The following PLEKHA5 variants were observed in gnomAD, a reference collection of about 807,000 sequenced individuals.
The protein encoded by PLEKHA5 is pleckstrin homology domain-containing family A member 5.
In PLEKHA5, 55 loss-of-function variants were observed where a neutral mutation model predicts 181.9. The ratio of observed to expected loss-of-function variants is 0.30; its 90% CI spans 0.24 to 0.38. The LOEUF (loss-of-function observed/expected upper bound fraction) is 0.38, where lower values mean the gene tolerates loss of function less well. Ranked by LOEUF, PLEKHA5 falls within the 10% of genes least tolerant of loss-of-function variation. The pLI is 1.00. For synonymous variants in PLEKHA5, 535 were observed against 529.4 expected, an observed-to-expected ratio of 1.01 and a Z score of -0.15; for missense variants, 1,432 against 1,549.5, an observed-to-expected ratio of 0.92 and a Z score of 1.27.
intron 15 of PLEKHA5, chr12:19,306,678 T>G: frequency 6.8e-7 from 1 of 1,474,492 alleles, no homozygotes; most frequent in Admixed American, 1.7e-5. Flanking sequence ...GCGCTAGCTC[T>G]GAGCAGATGC....
At chr12:19,149,683 G>C (rs1333677720) in intron 3 of PLEKHA5, 1 of 152,106 alleles carries the variant, frequency 6.6e-6, no homozygotes, top group Non-Finnish European at 1.5e-5. Flanking sequence ...AGGCTTTGCT[G>C]ATCTTGGCAG....
intron 3 of PLEKHA5, chr12:19,201,714 A>G (rs1405086080): frequency 6.6e-6 from 1 of 152,130 alleles, no homozygotes; most frequent in Non-Finnish European, 1.5e-5. Context: ...CCAGACACAG[A>G]CTACACATTG....
chr12:19,198,855 A>G (rs1299502175), intron 3 of PLEKHA5, among the ~76,000 whole-genome samples: 1 of 152,094 alleles, frequency 6.6e-6, no homozygotes. Context: ...CCATTTTTTT[A>G]TTTACATAGT....
intron 3 of PLEKHA5, among the ~76,000 whole-genome samples, chr12:19,231,902 A>G (rs1474298604): frequency 2.0e-5 from 3 of 152,192 alleles, no homozygotes; most frequent in African/African-American, 2.4e-5. Flanking sequence ...TCACCACTCA[A>G]TCTGTTTTTT....
intron 16 of PLEKHA5, among the ~76,000 whole-genome samples, chr12:19,317,434 T>C (rs1237067916): frequency 6.6e-6 from 1 of 151,964 alleles, no homozygotes; most frequent in East Asian, 1.9e-4. Context: ...TTTTATAACA[T>C]GATTAATACC....
chr12:19,216,134 T>C (rs1027057994), intron 3 of PLEKHA5, among the ~76,000 whole-genome samples: 2 of 152,228 alleles, frequency 1.3e-5, no homozygotes, highest in Non-Finnish European at 2.9e-5. Context: ...CATTTTGGTT[T>C]ATCCGGAGAG....
At chr12:19,292,658 G>T (rs1266802440) in intron 15 of PLEKHA5, among the ~76,000 whole-genome samples, 3 of 152,110 alleles carry the variant, frequency 2.0e-5, no homozygotes, top group Non-Finnish European at 2.9e-5. Flanking sequence ...ATGGCAATGG[G>T]CCGGGTGTGG....
intron 31 of PLEKHA5, chr12:19,372,956 A>T (rs1565679981): frequency 6.6e-6 from 1 of 151,784 alleles, no homozygotes; most frequent in Non-Finnish European, 1.5e-5. Context: ...TTTGTAGAGT[A>T]GGGGTTTCAC....
At chr12:19,231,701 T>C (rs548367467) in intron 3 of PLEKHA5, among the ~76,000 whole-genome samples, 4 of 151,274 alleles carry the variant, frequency 2.6e-5, no homozygotes, top group African/African-American at 7.2e-5. Context: ...TTTATCATGC[T>C]AGAATTTGAA....
Position 19,283,589 on chromosome 12 carries a change from C to T in PLEKHA5, c.1623C>T (p.Asp541=). The change falls in exon 12 of 32, where the codon GAC becomes GAT. Residue 541 remains aspartate (D), a synonymous_variant. Coordinates refer to ENST00000429027, the MANE Select transcript of PLEKHA5 (RefSeq NM_001256470.2). The stretch of plus-strand genomic sequence containing the variant: ...CCAAAACCATGGTAAATATTTCTGA[C>T]CAGACAATGCACTCTATTCCCACAT... The part of the protein sequence containing the change: ...SSPKTMVNIS[D]QTMHSIPTSP... The T allele has an allele frequency of 6.2e-7, 1 of 1,614,120 alleles. No homozygotes were observed. Among genetic ancestry groups the T allele is most frequent in the Middle Eastern group, 1.6e-4 (1 of 6,062 alleles).
intron 21 of PLEKHA5, among the ~76,000 whole-genome samples, chr12:19,338,904 A>G (rs1334558119): frequency 6.6e-6 from 1 of 151,974 alleles, no homozygotes; most frequent in African/African-American, 2.4e-5. Flanking sequence ...AAAATAAGAA[A>G]TCAGCTACAA....
intron 3 of PLEKHA5, chr12:19,207,398 G>A (rs1408038538): frequency 6.6e-6 from 1 of 152,060 alleles, no homozygotes; most frequent in Non-Finnish European, 1.5e-5. Flanking sequence ...ATTACCAATG[G>A]CAAGGGTGTC....
intron 3 of PLEKHA5, among the ~76,000 whole-genome samples, chr12:19,143,847 A>G (rs1164314666): frequency 2.0e-5 from 3 of 152,160 alleles, no homozygotes; most frequent in Admixed American, 6.6e-5. Context: ...TGTCTTATGA[A>G]TATATGGTAT....
chr12:19,192,117 A>T (rs74437032), intron 3 of PLEKHA5, among the ~76,000 whole-genome samples: 38 of 152,230 alleles, frequency 2.5e-4, no homozygotes, highest in African/African-American at 8.2e-4. Context: ...ACTTGAATTT[A>T]AAAAAAATTT....
intron 20 of PLEKHA5, among the ~76,000 whole-genome samples, chr12:19,334,798 A>G (rs2093195283): frequency 8.0e-6 from 1 of 124,410 alleles, no homozygotes; most frequent in Admixed American, 9.1e-5. Flanking sequence ...CCTGGGCAAC[A>G]TGGCAAAATC....
intron 3 of PLEKHA5, among the ~76,000 whole-genome samples, chr12:19,241,422 C>T (rs116961294): frequency 0.029 from 4,464 of 152,148 alleles, 81 homozygotes; most frequent in Non-Finnish European, 0.045. Context: ...ATGTTGTACA[C>T]GATAAATACA....
chr12:19,247,102 G>A (rs560604879), intron 3 of PLEKHA5, among the ~76,000 whole-genome samples: 10 of 152,156 alleles, frequency 6.6e-5, no homozygotes, highest in Non-Finnish European at 1.3e-4. Context: ...GTCTCCTGAG[G>A]AGGGAAAACC....
At chr12:19,345,549 A>G (rs67494180) in intron 22 of PLEKHA5, among the ~76,000 whole-genome samples, 14,571 of 152,020 alleles carry the variant, frequency 0.096, 769 homozygotes, top group Middle Eastern at 0.18. Context: ...GGATCACTTG[A>G]GGTTAGGAGT....
chr12:19,370,631 G>A (rs2095550813), intron 31 of PLEKHA5: 1 of 152,024 alleles, frequency 6.6e-6, no homozygotes, highest in African/African-American at 2.4e-5. Context: ...CTGAACAGCA[G>A]CAGAAACATA....
Sources: allele counts gnomAD v4.1 joint callset (sites outside exome capture counted in the v4.1 genomes callset), GRCh38; gene constraint gnomAD v4.1.1; transcripts MANE v1.5; gene names NCBI Gene and HGNC (gene_info 2026-07-23, HGNC 2026-07-21).